Variants in MSTO1 observed in about 807,000 individuals in gnomAD.
MSTO1 encodes misato mitochondrial distribution and morphology regulator 1.
Under a neutral mutation model 55.7 loss-of-function variants are expected in MSTO1, and 24 were observed. The ratio of observed to expected loss-of-function variants is 0.43; its 90% CI spans 0.31 to 0.61. The LOEUF (loss-of-function observed/expected upper bound fraction) is 0.61, where lower values mean the gene tolerates loss of function less well. MSTO1 is among the 20% of genes least tolerant of loss of function. MSTO1 has a pLI of 0.09. For synonymous variants in MSTO1, 162 were observed against 252.8 expected, an observed-to-expected ratio of 0.64 and a Z score of 3.41; for missense variants, 363 against 625.7, an observed-to-expected ratio of 0.58 and a Z score of 4.48.
the MSTO1 span, among the ~76,000 whole-genome samples, chr1:155,567,374 C>T: frequency 6.7e-6 from 1 of 149,308 alleles, no homozygotes; most frequent in Non-Finnish European, 1.5e-5. Flanking sequence ...TGCTGTGGCG[C>T]GATCTCCGCT....
the MSTO1 span, among the ~76,000 whole-genome samples, chr1:155,582,649 C>T: frequency 0.011 from 1,738 of 152,028 alleles, 37 homozygotes; most frequent in African/African-American, 0.04. Context: ...TTAGTAGAGA[C>T]GGGGTTTCAC....
the MSTO1 span, chr1:155,590,933 TCTC>T: frequency 1.2e-6 from 2 of 1,613,580 alleles, no homozygotes; most frequent in East Asian, 2.2e-5. Context: ...TTGGAATCCT[TCTC>T]CTCCACACAG....
chr1:155,609,917 G>A (rs1673449553), upstream of MSTO1: 2 of 361,418 alleles, frequency 5.5e-6, no homozygotes, highest in Non-Finnish European at 1.0e-5. Flanking sequence ...AAGACCTCAA[G>A]ACAAGTAGGA....
At chr1:155,604,824 A>G in the MSTO1 span, among the ~76,000 whole-genome samples, 1 of 152,212 alleles carries the variant, frequency 6.6e-6, no homozygotes, top group Non-Finnish European at 1.5e-5. Flanking sequence ...GCACTGAGCC[A>G]TGTTTGTGCC....
Position 155,611,264 on chromosome 1 carries a change from T to C in MSTO1, c.339T>C (p.Pro113=), listed in dbSNP as rs1673899146. ...AAGAGGAACTCTATCCCAAGAACCC[T>C]TATCTCCAAGACTTTCTGAGTGCAG... ...THKEELYPKN[P]YLQDFLSAEG... Residue 113 remains proline, a synonymous_variant, in exon 4 of 14, where the codon CCT becomes CCC. Transcript: ENST00000245564. The C allele has an allele frequency of 6.2e-7, 1 of 1,611,380 alleles. No individual in the cohort carries two copies.
chr1:155,594,815 T>C, the MSTO1 span, among the ~76,000 whole-genome samples: 1 of 152,054 alleles, frequency 6.6e-6, no homozygotes, highest in South Asian at 2.1e-4. Flanking sequence ...CTATGAAAGA[T>C]GAAACATCAA....
chr1:155,578,258 T>A, the MSTO1 span, among the ~76,000 whole-genome samples: 5 of 150,682 alleles, frequency 3.3e-5, no homozygotes, highest in South Asian at 1.0e-3. Flanking sequence ...AAGGGACTTG[T>A]ACTGCATGAT....
chr1:155,612,229 C>T lies in MSTO1; in HGVS notation c.726C>T (p.Gly242=), dbSNP rs149716403. 19 of 1,606,780 alleles carry T rather than the reference C, an allele frequency of 1.2e-5. No individual in the cohort carries two copies. Among genetic ancestry groups the T allele is most frequent in the South Asian group, 8.9e-5 (8 of 90,108 alleles). Residue 242 remains glycine (G), a synonymous_variant, in exon 8 of 14, where the codon GGC becomes GGT. Transcript: ENST00000245564. ...CDLHDGFSGV[G]AKAAELLQDE... ...TGCACGATGGCTTCTCTGGGGTAGG[C>T]GCGAAGGCGGCAGAGCTGCTACAAG...
At chr1:155,599,767 A>C in the MSTO1 span, among the ~76,000 whole-genome samples, 3 of 152,198 alleles carry the variant, frequency 2.0e-5, no homozygotes, top group Admixed American at 6.5e-5. Context: ...ACAAGACAAT[A>C]GTGGGGAGAG....
the MSTO1 span, among the ~76,000 whole-genome samples, chr1:155,577,027 A>G: frequency 6.7e-6 from 1 of 149,572 alleles, no homozygotes; most frequent in East Asian, 2.0e-4. Flanking sequence ...AAAAAAAAAA[A>G]AAAAAAAAAA....
chr1:155,580,620 T>C, the MSTO1 span, among the ~76,000 whole-genome samples: 2 of 151,924 alleles, frequency 1.3e-5, no homozygotes, highest in African/African-American at 4.8e-5. Flanking sequence ...TGTTGTTTGT[T>C]TAAAGAAAGA....
chr1:155,611,944 G>C, intron 6 of MSTO1, 39 bp from the exon 7 acceptor site: 1 of 790,796 alleles, frequency 1.3e-6, no homozygotes, highest in Non-Finnish European at 2.0e-6. Flanking sequence ...GGAGTTGAGG[G>C]AAGAGATGTA....
In MSTO1 at chr1:155,614,150, C is replaced by A. The variant is rs375845612; in HGVS notation, c.1590C>A (p.Leu530=). The change falls in exon 14 of 14, where the codon CTC becomes CTA. Residue 530 remains leucine (L), a synonymous_variant. Transcript: ENST00000245564. Reference sequence around the variant, plus strand: ...CCTTGGCCAGAGACCTCACCAAACTCGACTTGCGGCGCTGGGCCAGCTTCA... The same window carrying A: ...CCTTGGCCAGAGACCTCACCAAACTAGACTTGCGGCGCTGGGCCAGCTTCA... The part of the protein sequence containing the change: ...LEALARDLTK[L]DLRRWASFMD... The A allele has an allele frequency of 1.4e-6, 2 of 1,414,354 alleles. No homozygotes were observed. The highest frequency in any genetic ancestry group is 9.8e-7 in the Non-Finnish European group (1 of 1,024,628). The allele number at this position is 1,414,354 out of a possible 1,614,324, so 87.6% of individuals were successfully genotyped here. A position where few individuals can be genotyped will look rare whatever the true frequency, so the allele number is the denominator to read the frequency against.
the MSTO1 span, among the ~76,000 whole-genome samples, chr1:155,571,919 A>C: frequency 7.2e-5 from 11 of 151,956 alleles, no homozygotes; most frequent in African/African-American, 2.7e-4. Flanking sequence ...GCAGACACCT[A>C]TAATCCCAGC....
At chr1:155,568,279 C>T in the MSTO1 span, among the ~76,000 whole-genome samples, 3 of 151,624 alleles carry the variant, frequency 2.0e-5, no homozygotes, top group East Asian at 5.9e-4. Flanking sequence ...GGGGTTTTAC[C>T]ATCTTGGCCA....
At chr1:155,579,083 G>A in the MSTO1 span, among the ~76,000 whole-genome samples, 8 of 151,266 alleles carry the variant, frequency 5.3e-5, no homozygotes, top group Non-Finnish European at 1.0e-4. Context: ...TGGGGCAGGC[G>A]GATCACCTGA....
At chr1:155,612,359 G>A (rs978670397) in intron 8 of MSTO1, 43 bp downstream of exon 8, 1 of 1,580,618 alleles carries the variant, frequency 6.3e-7, no homozygotes, top group South Asian at 1.2e-5. Flanking sequence ...CAGTGGGGAG[G>A]GAGAAATCAG....
the MSTO1 span, among the ~76,000 whole-genome samples, chr1:155,585,486 G>A: frequency 2.5e-3 from 365 of 145,798 alleles, 1 homozygote; most frequent in Non-Finnish European, 4.0e-3. Context: ...TCGCGCCACT[G>A]CACTCCAGCC....
chr1:155,590,684 T>C, the MSTO1 span: 2 of 1,491,520 alleles, frequency 1.3e-6, no homozygotes, highest in East Asian at 4.5e-5. Flanking sequence ...ATGTAATGGC[T>C]GGGGCCCCGT....
Sources: gnomAD v4.1 joint callset for allele counts (sites outside exome capture counted in the v4.1 genomes callset) on GRCh38, gnomAD v4.1.1 for gene constraint, MANE v1.5 for transcripts, NCBI Gene and HGNC (gene_info 2026-07-23, HGNC 2026-07-21) for gene names.